The following NCOR2 variants were observed in gnomAD, a reference collection of about 807,000 sequenced individuals.
NCOR2 encodes nuclear receptor corepressor 2.
Under a neutral mutation model 262.9 loss-of-function variants are expected in NCOR2, and 81 were observed. The observed-to-expected ratio is 0.31, with a 90% confidence interval of 0.26 to 0.37. The LOEUF is 0.37. NCOR2 is among the 10% of genes least tolerant of loss of function. The pLI, the probability that NCOR2 is intolerant of heterozygous loss-of-function variation, is 1.00. For missense variants in NCOR2, 3,385 were observed against 3,621.4 expected (o/e 0.93, Z 1.68); for synonymous variants, 1,659 against 1,559.3 (o/e 1.06, Z -1.51).
chr12:124,449,965 T>G, intron 6 of NCOR2, 98 bp from the exon 9 acceptor site: 1 of 1,287,224 alleles, frequency 7.8e-7, no homozygotes, highest in Admixed American at 2.0e-5. Context: ...GGAGGAGCTG[T>G]CCTCTGGGTG....
chr12:124,511,400 C>G (rs763310678), intron 1 of NCOR2, among the ~76,000 whole-genome samples: 3 of 152,244 alleles, frequency 2.0e-5, no homozygotes, highest in Non-Finnish European at 4.4e-5. Context: ...GCCAAGTAGC[C>G]TGCCCTCTCT....
In NCOR2 at chr12:124,378,271, G is replaced by A. The variant is rs376051705; in HGVS notation, c.2133C>T (p.Ser711=). ...CCTCCACCATCTCCTCCTCATTTCC[G>A]CTCACGCCCGACGCCTCCATCTCCT... Residue 711 remains serine, a synonymous_variant, in exon 18 of 47, where the codon AGC becomes AGT. Transcript: ENST00000405201. The surrounding 1 kb of genome is among the most constrained non-coding windows in gnomAD (Gnocchi z 4.2). 6.4e-5 allele frequency: 104 copies of A among 1,613,690 alleles called. No individual in the cohort carries two copies. The highest frequency in any genetic ancestry group is 8.4e-5 in the Non-Finnish European group (99 of 1,179,862).
intron 1 of NCOR2, among the ~76,000 whole-genome samples, chr12:124,528,632 C>T (rs1042248203): frequency 1.3e-5 from 2 of 152,200 alleles, no homozygotes; most frequent in South Asian, 2.1e-4. Context: ...GAAGGCACAG[C>T]GTCTCCTCCA....
chr12:124,505,861 A>G (rs2049011505), intron 1 of NCOR2, among the ~76,000 whole-genome samples: 1 of 152,032 alleles, frequency 6.6e-6, no homozygotes, highest in Non-Finnish European at 1.5e-5. Flanking sequence ...GTCTGGGAGG[A>G]GCCTGTGATT....
chr12:124,496,078 G>A (rs534277556), upstream of NCOR2, among the ~76,000 whole-genome samples: 2 of 152,190 alleles, frequency 1.3e-5, no homozygotes, highest in Non-Finnish European at 2.9e-5. The surrounding 1 kb of genome is among the most constrained non-coding windows in gnomAD (Gnocchi z 4.4). Context: ...CCACGGGAGA[G>A]GATCTACTCG....
At chr12:124,448,833 T>C (rs1309856575) in intron 7 of NCOR2, among the ~76,000 whole-genome samples, 3 of 152,310 alleles carry the variant, frequency 2.0e-5, no homozygotes, top group African/African-American at 7.2e-5. Context: ...CCAGGAACGC[T>C]TGAACAATCG....
intron 15 of NCOR2, 129 bp downstream of exon 17, chr12:124,400,372 C>T: frequency 7.7e-7 from 1 of 1,305,204 alleles, no homozygotes; most frequent in South Asian, 1.3e-5. Context: ...TGGGATTTGA[C>T]TCCAACCATG....
At chr12:124,349,375 C>T (rs938184955) in intron 28 of NCOR2, among the ~76,000 whole-genome samples, 2 of 152,202 alleles carry the variant, frequency 1.3e-5, no homozygotes, top group Admixed American at 6.5e-5. Flanking sequence ...TCAACCATTG[C>T]TTCGTGTGGC....
At chr12:124,395,207 C>G (rs1425488312) in intron 16 of NCOR2, among the ~76,000 whole-genome samples, 1 of 152,198 alleles carries the variant, frequency 6.6e-6, no homozygotes, top group Non-Finnish European at 1.5e-5. Flanking sequence ...GCAATAGCCG[C>G]TTCTCCAGTC....
At chr12:124,436,743 A>C (rs756384145) in intron 8 of NCOR2, among the ~76,000 whole-genome samples, 9 of 152,194 alleles carry the variant, frequency 5.9e-5, no homozygotes, top group Non-Finnish European at 5.9e-5. Context: ...CTGCTATGGG[A>C]ATTCAGGTTC....
At chr12:124,408,687 T>C (rs1057077735) in intron 13 of NCOR2, among the ~76,000 whole-genome samples, 26 of 152,248 alleles carry the variant, frequency 1.7e-4, no homozygotes, top group Middle Eastern at 6.8e-3. Flanking sequence ...AGATCAAGGC[T>C]GCAGCGAGCT....
intron 22 of NCOR2, among the ~76,000 whole-genome samples, chr12:124,361,074 A>G (rs917815769): frequency 1.4e-5 from 2 of 147,324 alleles, no homozygotes; most frequent in Non-Finnish European, 3.0e-5. Flanking sequence ...GTGAGCGGAG[A>G]TTGTGCCACT....
intron 19 of NCOR2, among the ~76,000 whole-genome samples, chr12:124,374,050 C>T (rs190746813): frequency 3.4e-4 from 52 of 152,302 alleles, no homozygotes; most frequent in Non-Finnish European, 5.3e-4. Context: ...GCTCTCTAGC[C>T]CCCAAACCCA....
rs1593936729 is a variant in NCOR2 at position 124,517,588 on chromosome 12, G to A, written c.-118+17977C>T. ...CTCCCCTGCCTGAGCCCACCGCGGA[G>A]CCCCAGGGCAGAGCCTCGGGAGCGC... On this transcript the variant is annotated intron_variant, in intron 1 of 46. Coordinates refer to the NCOR2 transcript ENST00000404621. The surrounding 1 kb of genome is among the most constrained non-coding windows in gnomAD (Gnocchi z 7.6). Among the ~76,000 whole-genome samples the A allele has an allele frequency of 1.3e-5, 2 of 152,286 alleles. No individual in the cohort carries two copies. Among genetic ancestry groups the A allele is most frequent in the South Asian group, 4.1e-4 (2 of 4,822 alleles).
At chr12:124,362,387 C>T (rs553093115) in intron 21 of NCOR2, 90 bp from the exon 24 acceptor site, 12 of 1,221,680 alleles carry the variant, frequency 9.8e-6, no homozygotes, top group South Asian at 2.3e-5. Context: ...AGCCTGGAAA[C>T]CAAGGCCCGG....
chr12:124,380,185 C>A (rs1388030867), intron 17 of NCOR2, among the ~76,000 whole-genome samples: 4 of 152,224 alleles, frequency 2.6e-5, no homozygotes, highest in Non-Finnish European at 4.4e-5. Flanking sequence ...GGGCCCCGCC[C>A]ACCCCAGCCC....
chr12:124,396,578 C>T (rs2041671563), intron 16 of NCOR2, among the ~76,000 whole-genome samples: 1 of 151,950 alleles, frequency 6.6e-6, no homozygotes, highest in African/African-American at 2.4e-5. Flanking sequence ...GCATGCCTCT[C>T]ACTCACCACA....
exon 20 of NCOR2, chr12:124,372,052 A>C (rs1593256898): frequency 6.3e-7 from 1 of 1,599,622 alleles, no homozygotes; most frequent in Non-Finnish European, 8.5e-7. Context: ...GGCCTCATCC[A>C]CCTCGTCTGC....
chr12:124,442,548 C>T (rs1042384282), intron 7 of NCOR2, among the ~76,000 whole-genome samples: 1 of 152,208 alleles, frequency 6.6e-6, no homozygotes, highest in African/African-American at 2.4e-5. Context: ...TCTTCTGTTG[C>T]ACAACGTACA....
Sources: gnomAD v4.1 joint callset for allele counts (sites outside exome capture counted in the v4.1 genomes callset) on GRCh38, gnomAD v4.1.1 for gene constraint, Gnocchi (gnomAD v3.1) non-coding constraint, MANE v1.5 for transcripts, NCBI Gene and HGNC (gene_info 2026-07-23, HGNC 2026-07-21) for gene names.